Variants in ADGRF5 observed in about 807,000 individuals in gnomAD.
ADGRF5 encodes the protein adhesion G protein-coupled receptor F5.
Under a neutral mutation model 132.3 loss-of-function variants are expected in ADGRF5, and 75 were observed. That is an observed-to-expected ratio of 0.57 (90% CI 0.47 to 0.69). ADGRF5 has a LOEUF of 0.69. ADGRF5 is among the 30% of genes least tolerant of loss of function. The pLI, the probability that ADGRF5 is intolerant of heterozygous loss-of-function variation, is 0.00. For missense variants in ADGRF5, 1,516 were observed against 1,630.6 expected (o/e 0.93, Z 1.21); for synonymous variants, 629 against 597.6 (o/e 1.05, Z -0.77).
intron 11 of ADGRF5, among the ~76,000 whole-genome samples, chr6:46,871,496 T>G (rs1279693231): frequency 6.6e-6 from 1 of 151,774 alleles, no homozygotes; most frequent in Non-Finnish European, 1.5e-5. Context: ...AAGGGGAAAA[T>G]TAGGGACATT....
At chr6:46,918,729 C>T (rs986642113) in intron 1 of ADGRF5, among the ~76,000 whole-genome samples, 2 of 152,190 alleles carry the variant, frequency 1.3e-5, no homozygotes, top group African/African-American at 2.4e-5. Context: ...TGTCGGAAAT[C>T]TCCTCTTCAT....
intron 1 of ADGRF5, among the ~76,000 whole-genome samples, chr6:46,944,524 T>C (rs1392892437): frequency 6.6e-6 from 1 of 152,176 alleles, no homozygotes; most frequent in Non-Finnish European, 1.5e-5. Context: ...CAGGTTCCAA[T>C]TTAATAGGTT....
chr6:46,884,125 GA>G lies in ADGRF5; in HGVS notation c.474del (p.Asn160MetfsTer13). 1 of 1,614,050 alleles carries G rather than the reference GA, an allele frequency of 6.2e-7. No individual in the cohort carries two copies. The highest frequency in any genetic ancestry group is 8.5e-7 in the Non-Finnish European group (1 of 1,179,948). ...GHHCSCLKEL[P>X]PNGPFCLLQE... The stretch of plus-strand genomic sequence containing the variant: ...TGAAGCAGGCAAAAAGGTCCATTGG[GA>G]GGCAGTTCTTTAAGGCAACTGCAAT... On this transcript the variant is annotated frameshift_variant, in exon 5 of 21. Transcript: ENST00000283296. LOFTEE classifies it high-confidence loss of function.
At chr6:46,939,277 T>C (rs906208432) in intron 1 of ADGRF5, among the ~76,000 whole-genome samples, 108 of 152,280 alleles carry the variant, frequency 7.1e-4, no homozygotes, top group Non-Finnish European at 1.5e-4. Flanking sequence ...CATGGTTCGT[T>C]GAGTGGCCAG....
chr6:46,866,837 G>A lies in ADGRF5; in HGVS notation c.1834+88C>T, dbSNP rs987661273. On this transcript the variant is annotated intron_variant, in intron 13 of 20. Transcript: ENST00000283296. ...AATTCTATCTCTGATACAATCCTAT[G>A]TCTCTTGATCCCTATTTTAAGACTA... is the stretch of plus-strand genomic sequence containing the variant. 9 of 729,980 alleles carry A rather than the reference G, an allele frequency of 1.2e-5. No homozygotes were observed. In the Admixed American group the frequency reaches 2.1e-4, roughly 17 times the overall value. The allele number at this position is 729,980 out of a possible 1,614,324, so 45.2% of individuals were successfully genotyped here. A position where few individuals can be genotyped will look rare whatever the true frequency, so the allele number is the denominator to read the frequency against.
In ADGRF5 at chr6:46,853,909, G is replaced by A. The variant is rs542605518; in HGVS notation, c.*83C>T. 3.1e-5 allele frequency: 29 copies of A among 927,748 alleles called. No homozygotes were observed. Among genetic ancestry groups the A allele is most frequent in the South Asian group, 2.2e-4 (14 of 63,996 alleles). 57.5% of individuals were successfully genotyped at this position (927,748 alleles called of 1,614,324 possible). A position where few individuals can be genotyped will look rare whatever the true frequency, so the allele number is the denominator to read the frequency against. ...TCCCGGAAACCTGCCCCGAGAACAC[G>A]TTCCCCATTGCTTTGCAAGCATCTC... On this transcript the variant is annotated 3_prime_UTR_variant, in exon 21 of 21. Coordinates refer to ENST00000283296, the MANE Select transcript of ADGRF5 (RefSeq NM_001098518.2).
chr6:46,926,625 C>G (rs1777262386), upstream of ADGRF5, among the ~76,000 whole-genome samples: 1 of 152,166 alleles, frequency 6.6e-6, no homozygotes, highest in East Asian at 1.9e-4. Context: ...CCACTTTCAG[C>G]TCTTAGAGAT....
intron 7 of ADGRF5, 46 bp downstream of exon 7, chr6:46,881,996 ACCATATG>A (rs1554202038): frequency 1.3e-5 from 16 of 1,257,180 alleles, no homozygotes; most frequent in Non-Finnish European, 1.8e-5. Flanking sequence ...CTCCTTCACT[ACCATATG>A]GATCCCAGCC....
chr6:46,876,755 C>T (rs1771698874), intron 10 of ADGRF5, among the ~76,000 whole-genome samples: 1 of 152,120 alleles, frequency 6.6e-6, no homozygotes, highest in South Asian at 2.1e-4. Context: ...AGGTGCACAC[C>T]ACCACACCTA....
At chr6:46,877,387 T>G (rs1240280037) in intron 10 of ADGRF5, among the ~76,000 whole-genome samples, 1 of 149,008 alleles carries the variant, frequency 6.7e-6, no homozygotes, top group Non-Finnish European at 1.5e-5. Flanking sequence ...CTTTCTTTCT[T>G]CTTTCTTTTT....
chr6:46,935,888 G>A (rs1777796266), intron 1 of ADGRF5, among the ~76,000 whole-genome samples: 1 of 152,196 alleles, frequency 6.6e-6, no homozygotes, highest in South Asian at 2.1e-4. Context: ...GAAGGAAGCA[G>A]GAAGCCTTGT....
intron 10 of ADGRF5, among the ~76,000 whole-genome samples, chr6:46,874,843 C>G (rs994236365): frequency 2.0e-5 from 3 of 152,318 alleles, no homozygotes; most frequent in Middle Eastern, 6.8e-3. Flanking sequence ...AATTTTGCCT[C>G]CCTGGAGGAC....
intron 3 of ADGRF5, among the ~76,000 whole-genome samples, chr6:46,898,885 A>T (rs1047957432): frequency 3.2e-4 from 49 of 152,228 alleles, no homozygotes; most frequent in Non-Finnish European, 7.1e-4. Flanking sequence ...GTTTTCCGAT[A>T]GGAATTCAGA....
intron 1 of ADGRF5, among the ~76,000 whole-genome samples, chr6:46,950,674 C>T (rs917067034): frequency 6.6e-6 from 1 of 152,148 alleles, no homozygotes; most frequent in Non-Finnish European, 1.5e-5. Flanking sequence ...ACCACCACAT[C>T]CAGCTAACTT....
At chr6:46,898,882 G>A (rs572406453) in intron 3 of ADGRF5, among the ~76,000 whole-genome samples, 1 of 152,298 alleles carries the variant, frequency 6.6e-6, no homozygotes, top group East Asian at 1.9e-4. Context: ...GACGTTTTCC[G>A]ATAGGAATTC....
chr6:46,945,473 C>T (rs1778269554), intron 1 of ADGRF5, among the ~76,000 whole-genome samples: 2 of 152,134 alleles, frequency 1.3e-5, no homozygotes, highest in South Asian at 4.1e-4. Flanking sequence ...GTGCCAGGTA[C>T]TGTGCTAGGG....
At chr6:46,877,280 T>TTTC (rs1288601846) in intron 10 of ADGRF5, among the ~76,000 whole-genome samples, 7 of 44,748 alleles carry the variant, frequency 1.6e-4, no homozygotes, top group African/African-American at 6.5e-4. Context: ...TCTTTCTTTC[T>TTTC]TTCTTTCTTT....
chr6:46,861,332 T>C (rs1769724593), intron 15 of ADGRF5, among the ~76,000 whole-genome samples: 1 of 152,206 alleles, frequency 6.6e-6, no homozygotes, highest in Admixed American at 6.5e-5. Flanking sequence ...CCTTTTCTCC[T>C]TGTGTATTTA....
chr6:46,920,529 G>C (rs1265184693), intron 1 of ADGRF5, among the ~76,000 whole-genome samples: 1 of 136,204 alleles, frequency 7.3e-6, no homozygotes, highest in East Asian at 2.3e-4. Context: ...TAATATTTGG[G>C]GGGGGGGAAG....
Sources: gnomAD v4.1 joint callset for allele counts (sites outside exome capture counted in the v4.1 genomes callset) on GRCh38, gnomAD v4.1.1 for gene constraint, MANE v1.5 for transcripts, NCBI Gene and HGNC (gene_info 2026-07-23, HGNC 2026-07-21) for gene names.